CYRIB: variants seen among roughly 807,000 people sequenced by gnomAD.
The protein encoded by CYRIB is CYFIP-related Rac1 interactor B.
Under a neutral mutation model 44.2 loss-of-function variants are expected in CYRIB, and 8 were observed. The observed-to-expected ratio is 0.18, with a 90% CI of 0.11 to 0.33. CYRIB has a LOEUF of 0.33. CYRIB is among the 10% of genes least tolerant of loss of function. The pLI, the probability that CYRIB is intolerant of heterozygous loss-of-function variation, is 1.00. For synonymous variants in CYRIB, 131 were observed against 127.2 expected (o/e 1.03, Z -0.20); for missense variants, 185 against 382.8 (o/e 0.48, Z 4.31).
At position 129,921,626 on chromosome 8, in the gene CYRIB, T is replaced by C. The variant is rs186137196; in HGVS notation, c.-50+17982A>G. On this transcript the variant is annotated intron_variant, in intron 1 of 11. Transcript: ENST00000519824. ...GGTTTCAGCATGTTGCCCAGGCTGG[T>C]TGACACCATCTTAATTGAAGGATAA... Among the ~76,000 whole-genome samples, 86 of 152,320 alleles carry C rather than the reference T, an allele frequency of 5.6e-4. 1 individual carries two copies. The East Asian group carries it at 0.011, about 19-fold the overall frequency.
At chr8:129,872,987 T>A (rs548119061) in intron 3 of CYRIB, among the ~76,000 whole-genome samples, 1 of 152,148 alleles carries the variant, frequency 6.6e-6, no homozygotes, top group South Asian at 2.1e-4. Flanking sequence ...GAGCAAGTCA[T>A]AATTCAATTC....
At chr8:129,839,807 T>G (rs1327714438) in exon 12 of CYRIB, 3 of 152,226 alleles carry the variant, frequency 2.0e-5, no homozygotes, top group Non-Finnish European at 4.4e-5. Flanking sequence ...CTCCTCAACA[T>G]GCAGAGTGTG....
intron 3 of CYRIB, 102 bp from the exon 6 acceptor site, chr8:129,871,598 T>A: frequency 1.8e-6 from 2 of 1,126,284 alleles, no homozygotes; most frequent in Non-Finnish European, 1.3e-6. Context: ...AAAGATGAGT[T>A]AATTCTAGTT....
At chr8:129,944,556 G>A (rs1174323680), upstream of CYRIB, among the ~76,000 whole-genome samples, 1 of 152,134 alleles carries the variant, frequency 6.6e-6, no homozygotes, top group South Asian at 2.1e-4. Context: ...GCCGATGCAG[G>A]TGGATCACTT....
chr8:129,904,314 T>A (rs16904169), intron 1 of CYRIB, among the ~76,000 whole-genome samples, 185 bp downstream of exon 3: 2,213 of 152,156 alleles, frequency 0.015, 51 homozygotes, highest in African/African-American at 0.05. Flanking sequence ...TATCCAGAGA[T>A]ATAAACAAAC....
Position 129,910,477 on chromosome 8 carries a change from CTTT to C in CYRIB, c.-49-7130_-49-7128del, listed in dbSNP as rs1171288097. ...CCTTGACAAGTGGTGCCTTCTTTCA[CTTT>C]TTTTTTTTTTTTTTTTTTTTTTTTA... On this transcript the variant is annotated intron_variant, in intron 1 of 11. Coordinates refer to ENST00000519824, the Ensembl canonical transcript of CYRIB. 9.9e-5 allele frequency among the ~76,000 whole-genome samples: 11 copies of C among 110,652 alleles called. 1 individual carries two copies. The highest frequency in any genetic ancestry group is 5.1e-3 in the Middle Eastern group (1 of 198). 72.6% of individuals were successfully genotyped at this position (110,652 alleles called of 152,430 possible).
intron 7 of CYRIB, among the ~76,000 whole-genome samples, chr8:129,853,900 C>A (rs867262701): frequency 1.3e-5 from 2 of 152,304 alleles, no homozygotes; most frequent in Middle Eastern, 3.4e-3. Context: ...AATTAACCCA[C>A]GTCAATTTCT....
intron 1 of CYRIB, among the ~76,000 whole-genome samples, chr8:129,917,765 G>A (rs1204889427): frequency 2.6e-5 from 4 of 152,146 alleles, no homozygotes; most frequent in African/African-American, 9.7e-5. Context: ...GCTGAGACAG[G>A]AGAATTGCTT....
intron 1 of CYRIB, among the ~76,000 whole-genome samples, chr8:129,983,009 T>TA (rs3077880): frequency 0.19 from 25,744 of 138,046 alleles, 2,660 homozygotes; most frequent in African/African-American, 0.3. Context: ...GTAGAGCTGT[T>TA]AAAAAAAAAA....
chr8:129,894,464 T>C (rs998644029), intron 2 of CYRIB: 1 of 152,236 alleles, frequency 6.6e-6, no homozygotes, highest in Non-Finnish European at 1.5e-5. Context: ...TATTTTTCTG[T>C]TGTTTCGCAG....
intron 2 of CYRIB, among the ~76,000 whole-genome samples, chr8:129,879,954 TAAAGC>T (rs761676069): frequency 7.2e-5 from 11 of 152,186 alleles, no homozygotes; most frequent in Non-Finnish European, 1.0e-4. Context: ...TGCGGTTCAA[TAAAGC>T]ATATATTTCT....
intron 2 of CYRIB, among the ~76,000 whole-genome samples, chr8:129,883,369 G>C (rs1428753610): frequency 6.6e-6 from 1 of 151,942 alleles, no homozygotes; most frequent in Admixed American, 6.6e-5. Flanking sequence ...TCACCCGACT[G>C]AGAATCACTA....
exon 5 of CYRIB, chr8:129,862,246 T>G: frequency 6.2e-7 from 1 of 1,613,368 alleles, no homozygotes; most frequent in East Asian, 2.2e-5. Flanking sequence ...CTGAGAAAAT[T>G]CGTAAAATTT....
At chr8:130,016,509 G>A (rs1167748711), upstream of CYRIB, 14 of 157,914 alleles carry the variant, frequency 8.9e-5, no homozygotes, top group Non-Finnish European at 1.6e-4. Flanking sequence ...CCGCCGCGGC[G>A]GCAGCAGCAG....
intron 1 of CYRIB, among the ~76,000 whole-genome samples, chr8:130,006,664 A>ATATGTATATATATATG (rs2097106180): frequency 2.0e-5 from 1 of 49,460 alleles, no homozygotes; most frequent in Admixed American, 2.4e-4. Flanking sequence ...ATATATATGT[A>ATATGTATATATATATG]TATATATATG....
intron 1 of CYRIB, among the ~76,000 whole-genome samples, chr8:129,973,689 A>G (rs2095807683): frequency 6.6e-6 from 1 of 152,138 alleles, no homozygotes; most frequent in African/African-American, 2.4e-5. Flanking sequence ...TAGTTCTTTA[A>G]AAAATACTCG....
intron 4 of CYRIB, among the ~76,000 whole-genome samples, chr8:129,863,382 A>C (rs2051084470): frequency 6.6e-6 from 1 of 151,994 alleles, no homozygotes. Context: ...AAAATTAGTC[A>C]GGTGTGGTGG....
chr8:129,997,492 C>T (rs1434437793), intron 1 of CYRIB, among the ~76,000 whole-genome samples: 3 of 152,196 alleles, frequency 2.0e-5, no homozygotes, highest in South Asian at 2.1e-4. Flanking sequence ...AAATGCTGTG[C>T]GTTTTCAGTC....
At chr8:129,967,505 G>A (rs370846344) in intron 2 of CYRIB, among the ~76,000 whole-genome samples, 28 of 151,464 alleles carry the variant, frequency 1.8e-4, no homozygotes, top group South Asian at 1.3e-3. Context: ...TCAGCCTCCC[G>A]AGTAGCTGGG....
Sources: allele counts gnomAD v4.1 joint callset (sites outside exome capture counted in the v4.1 genomes callset), GRCh38; gene constraint gnomAD v4.1.1; transcripts MANE v1.5; gene names NCBI Gene and HGNC (gene_info 2026-07-23, HGNC 2026-07-21).